The following PCP4 variants were observed in gnomAD, a reference collection of about 807,000 sequenced individuals.
The protein encoded by PCP4 is calmodulin regulator protein PCP4.
PCP4 carries 8 observed loss-of-function variants against 10.0 expected under a neutral mutation model. That is an observed-to-expected ratio of 0.80 (90% confidence interval 0.47 to 1.45). The LOEUF is 1.45. PCP4 is among the 40% of genes most tolerant of loss of function. The pLI is 0.00. For missense variants in PCP4, 54 were observed against 74.4 expected (o/e 0.73, Z 1.01); for synonymous variants, 21 against 23.0 (o/e 0.91, Z 0.24).
At chr21:39,870,127 G>A (rs2087312890) in intron 1 of PCP4, among the ~76,000 whole-genome samples, 1 of 152,252 alleles carries the variant, frequency 6.6e-6, no homozygotes, top group Admixed American at 6.5e-5. Context: ...TAAGGGAAAG[G>A]TGGAGTGGCA....
chr21:39,919,277 A>G (rs779370131), intron 2 of PCP4, among the ~76,000 whole-genome samples: 4 of 152,244 alleles, frequency 2.6e-5, no homozygotes, highest in Admixed American at 6.5e-5. Context: ...AATTAGCTTA[A>G]TGATATCAAG....
intron 2 of PCP4, among the ~76,000 whole-genome samples, chr21:39,898,860 A>G (rs947721528): frequency 2.0e-5 from 3 of 152,242 alleles, no homozygotes; most frequent in African/African-American, 7.2e-5. Context: ...AATGAGATCA[A>G]ACGAGATAAG....
chr21:39,901,002 A>G (rs1901382329), intron 2 of PCP4, among the ~76,000 whole-genome samples: 1 of 152,162 alleles, frequency 6.6e-6, no homozygotes, highest in Admixed American at 6.5e-5. Context: ...AAGTCATTAT[A>G]TTTTCCAAAA....
chr21:39,929,324 T>C lies in PCP4; in HGVS notation c.*213T>C. ...GTGAGTAGCTTAATCTCTATGTTTC[T>C]CTCCATTTTCATTCCTCCTGCAACT... On this transcript the variant is annotated 3_prime_UTR_variant, in exon 3 of 3. Transcript: ENST00000328619. 2.6e-6 allele frequency: 1 copy of C among 379,334 alleles called. No homozygotes were observed. Among genetic ancestry groups the C allele is most frequent in the East Asian group, 3.9e-5 (1 of 25,440 alleles). The allele number at this position is 379,334 out of a possible 1,614,324, so 23.5% of individuals were successfully genotyped here.
At chr21:39,887,992 G>A (rs1001448482) in intron 1 of PCP4, among the ~76,000 whole-genome samples, 4 of 152,138 alleles carry the variant, frequency 2.6e-5, no homozygotes, top group Non-Finnish European at 2.9e-5. Flanking sequence ...AAAGATATGC[G>A]GATTCGTGTT....
At chr21:39,869,894 C>T (rs987506200) in intron 1 of PCP4, among the ~76,000 whole-genome samples, 1 of 152,168 alleles carries the variant, frequency 6.6e-6, no homozygotes, top group Non-Finnish European at 1.5e-5. Context: ...CAAAGAAAGC[C>T]AGAGCAATGG....
chr21:39,910,035 A>T lies in PCP4; in HGVS notation c.61+11508A>T, dbSNP rs1333648765. Among the ~76,000 whole-genome samples the T allele has an allele frequency of 2.0e-5, 3 of 152,198 alleles. No homozygotes were observed. In the East Asian group the frequency reaches 5.8e-4, roughly 29 times the overall value. ...GGTCTCAAACTCCCGATCTCAGGCG[A>T]TCTGCCCGCCTCGGCCTCCCAAGCC... On this transcript the variant is annotated intron_variant, in intron 2 of 2. Transcript: ENST00000328619.
At chr21:39,921,207 C>T (rs1487882644) in intron 2 of PCP4, among the ~76,000 whole-genome samples, 3 of 152,130 alleles carry the variant, frequency 2.0e-5, no homozygotes, top group Non-Finnish European at 2.9e-5. Flanking sequence ...CTTGGACCAT[C>T]CAAGAGATGC....
chr21:39,909,334 C>T (rs914590962), intron 2 of PCP4, among the ~76,000 whole-genome samples: 5 of 152,174 alleles, frequency 3.3e-5, no homozygotes, highest in Admixed American at 6.5e-5. Context: ...ACTGTTGTTC[C>T]GTGTCGCTGC....
At chr21:39,890,459 G>A (rs1000486606) in intron 1 of PCP4, among the ~76,000 whole-genome samples, 3 of 151,896 alleles carry the variant, frequency 2.0e-5, no homozygotes, top group East Asian at 1.9e-4. Flanking sequence ...AGGTTCAAGC[G>A]ATTCTCCTGC....
At chr21:39,899,572 A>G (rs1021357522) in intron 2 of PCP4, among the ~76,000 whole-genome samples, 1 of 152,102 alleles carries the variant, frequency 6.6e-6, no homozygotes, top group Admixed American at 6.5e-5. Context: ...GGGCAGTCCT[A>G]TTGGGCAGGG....
chr21:39,870,282 C>A (rs1310355763), intron 1 of PCP4, among the ~76,000 whole-genome samples: 1 of 152,158 alleles, frequency 6.6e-6, no homozygotes, highest in African/African-American at 2.4e-5. Flanking sequence ...AAAGTAAAGT[C>A]CAAATTTAGG....
chr21:39,891,324 C>A (rs947690128), intron 1 of PCP4, among the ~76,000 whole-genome samples: 7 of 152,224 alleles, frequency 4.6e-5, no homozygotes, highest in African/African-American at 1.7e-4. Context: ...AGCATGTCAT[C>A]TCCTGCCCAC....
intron 1 of PCP4, among the ~76,000 whole-genome samples, chr21:39,886,840 C>T (rs191097225): frequency 1.8e-3 from 281 of 152,164 alleles, no homozygotes; most frequent in Non-Finnish European, 2.6e-3. Context: ...ATATGTCCAC[C>T]TATAAGAAGA....
chr21:39,896,906 T>A (rs1272362740), intron 1 of PCP4, among the ~76,000 whole-genome samples: 1 of 152,194 alleles, frequency 6.6e-6, no homozygotes, highest in African/African-American at 2.4e-5. Flanking sequence ...TATCCCTTAG[T>A]CACCTATCAT....
At chr21:39,927,054 A>T (rs1236117847) in intron 2 of PCP4, among the ~76,000 whole-genome samples, 1 of 152,230 alleles carries the variant, frequency 6.6e-6, no homozygotes, top group African/African-American at 2.4e-5. Flanking sequence ...TCATGGCTCC[A>T]TCAGTCCTAC....
intron 2 of PCP4, among the ~76,000 whole-genome samples, chr21:39,911,981 G>A (rs2087542157): frequency 6.6e-6 from 1 of 152,206 alleles, no homozygotes; most frequent in Admixed American, 6.5e-5. Flanking sequence ...GCCATTCACA[G>A]CTGGTGAAAT....
intron 1 of PCP4, among the ~76,000 whole-genome samples, chr21:39,873,257 T>A (rs991615024): frequency 4.6e-5 from 7 of 152,176 alleles, no homozygotes; most frequent in Admixed American, 4.6e-4. Flanking sequence ...TGTAGTAATA[T>A]AGCCCCAGTG....
At chr21:39,907,796 CAA>C (rs35436694) in intron 2 of PCP4, among the ~76,000 whole-genome samples, 8 of 145,582 alleles carry the variant, frequency 5.5e-5, no homozygotes, top group African/African-American at 1.0e-4. Flanking sequence ...GACTCTGTCT[CAA>C]AAAAAAAAAA....
Sources: allele counts gnomAD v4.1 joint callset (sites outside exome capture counted in the v4.1 genomes callset), GRCh38; gene constraint gnomAD v4.1.1; transcripts MANE v1.5; gene names NCBI Gene and HGNC (gene_info 2026-07-23, HGNC 2026-07-21).